The following RPF1 variants were observed in gnomAD, a reference collection of about 807,000 sequenced individuals.
RPF1 encodes the protein ribosome production factor 1 homolog, also known as ribosome production factor 1.
RPF1 carries 34 observed loss-of-function variants against 41.9 expected under a neutral mutation model. The observed-to-expected ratio is 0.81, with a 90% CI of 0.62 to 1.08. The LOEUF is 1.08. Ranked by LOEUF, RPF1 falls within the 50% of genes least tolerant of loss-of-function variation. RPF1 has a pLI of 0.00. For missense variants in RPF1, 425 were observed against 435.2 expected, an observed-to-expected ratio of 0.98 and a Z score of 0.21; for synonymous variants, 140 against 148.9, an observed-to-expected ratio of 0.94 and a Z score of 0.43.
chr1:84,496,581 A>T (rs1681939189), intron 8 of RPF1, among the ~76,000 whole-genome samples: 1 of 152,058 alleles, frequency 6.6e-6, no homozygotes, highest in South Asian at 2.1e-4. Context: ...AAAAAAAAAA[A>T]AAAGATACAA....
chr1:84,481,599 G>T (rs532816409), intron 2 of RPF1, among the ~76,000 whole-genome samples: 3 of 152,072 alleles, frequency 2.0e-5, no homozygotes, highest in South Asian at 2.1e-4. Context: ...GAGGATTATG[G>T]CAGAGAAAAG....
chr1:84,482,975 G>T lies in RPF1; in HGVS notation c.346G>T (p.Val116Leu). ...DNQRVYDETT[V>L]DPNDEEVAYD... ...CCAGCGAGTGTATGATGAAACCACA[G>T]TAGACCCTAATGATGAAGAGGTAAT... Residue 116 changes from valine (V) to leucine (L), a missense_variant, in exon 3 of 9, where the codon GTA becomes TTA. Physicochemically the swap from Val to Leu is conservative, Grantham distance 32. Coordinates refer to ENST00000370654, the MANE Select transcript of RPF1 (RefSeq NM_025065.7). 6.2e-7 allele frequency: 1 copy of T among 1,604,458 alleles called. No homozygotes were observed. The highest frequency in any genetic ancestry group is 8.5e-7 in the Non-Finnish European group (1 of 1,171,230).
chr1:84,486,587 CAAAAAAAA>C (rs896267195), intron 3 of RPF1, among the ~76,000 whole-genome samples: 3 of 64,534 alleles, frequency 4.6e-5, no homozygotes, highest in Admixed American at 1.8e-4. Flanking sequence ...GACTCCGTCT[CAAAAAAAA>C]AAAAAAAAAA....
rs1057469078 is a variant in RPF1, at chr1:84,497,584, T to C, written c.*114T>C. On this transcript the variant is annotated 3_prime_UTR_variant, in exon 9 of 9. Coordinates refer to ENST00000370654, the MANE Select transcript of RPF1 (RefSeq NM_025065.7). ...GGCATTTGCTGATTTCATAAACCTT[T>C]CACGTCTGGACGAATTACCAAATGC... The C allele has an allele frequency of 1.4e-5, 10 of 694,846 alleles. No homozygotes were observed. The highest frequency in any genetic ancestry group is 2.3e-5 in the Non-Finnish European group (10 of 429,068). 43.0% of individuals were successfully genotyped at this position (694,846 alleles called of 1,614,324 possible). A position where few individuals can be genotyped will look rare whatever the true frequency, so the allele number is the denominator to read the frequency against.
rs777882400 is a variant in RPF1, at chr1:84,479,280, C to A, written c.-2C>A. 1 of 1,595,022 alleles carries A rather than the reference C, an allele frequency of 6.3e-7. No individual in the cohort carries two copies. Among genetic ancestry groups the A allele is most frequent in the South Asian group, 1.1e-5 (1 of 88,924 alleles). ...CCGTACGGAAGCAAAGGAGCCAAGA[C>A]CATGGCGAAAGCCGGGGATAAGAGC... On this transcript the variant is annotated 5_prime_UTR_variant, in exon 1 of 9. Transcript: ENST00000370654.
chr1:84,488,783 GTTTTC>G (rs1337765781), intron 3 of RPF1, among the ~76,000 whole-genome samples: 1 of 151,986 alleles, frequency 6.6e-6, no homozygotes, highest in Admixed American at 6.6e-5. Flanking sequence ...GTTATTAGAT[GTTTTC>G]TTTGCAAATA....
intron 5 of RPF1, among the ~76,000 whole-genome samples, chr1:84,492,390 A>G (rs114705606): frequency 0.012 from 1,891 of 152,298 alleles, 36 homozygotes; most frequent in African/African-American, 0.042. Context: ...ACTTATTCTA[A>G]AATAGAATTT....
Position 84,496,143 on chromosome 1 carries a change from T to C in RPF1, c.881+80T>C, listed in dbSNP as rs1022542187. On this transcript the variant is annotated intron_variant, in intron 7 of 8. Coordinates refer to ENST00000370654, the MANE Select transcript of RPF1 (RefSeq NM_025065.7). ...CATGAACTAATTTTCCAACATATTG[T>C]AGCAAGTATCATACAAGATAAAATG... The C allele has an allele frequency of 8.8e-6, 13 of 1,472,456 alleles. No homozygotes were observed. The Admixed American group carries it at 9.8e-5, about 11-fold the overall frequency. 91.2% of individuals were successfully genotyped at this position (1,472,456 alleles called of 1,614,324 possible).
chr1:84,489,352 A>G (rs879650206), intron 3 of RPF1, among the ~76,000 whole-genome samples: 2 of 151,864 alleles, frequency 1.3e-5, no homozygotes, highest in African/African-American at 2.4e-5. Flanking sequence ...AACCAAGTTG[A>G]TGAGGGAAAT....
Position 84,489,676 on chromosome 1 carries a change from A to G in RPF1, c.410A>G (p.Asn137Ser), listed in dbSNP as rs751917597. The G allele has an allele frequency of 2.5e-6, 4 of 1,610,672 alleles. No individual in the cohort carries two copies. Among genetic ancestry groups the G allele is most frequent in the East Asian group, 2.2e-5 (1 of 44,820 alleles). ...ACAGATGAATTTGCTTCTTACTTCAACAAACAGACTTCTCCCAAGATTCTC... is the reference window on the plus strand; with the variant it reads ...ACAGATGAATTTGCTTCTTACTTCAGCAAACAGACTTCTCCCAAGATTCTC... ...EATDEFASYF[N>S]KQTSPKILIT... Residue 137 changes from asparagine (N) to serine (S), a missense_variant, in exon 4 of 9, where the codon AAC (asparagine) becomes AGC (serine). Asn to Ser is a conservative substitution (Grantham distance 46). Transcript: ENST00000370654.
intron 1 of RPF1, 119 bp downstream of exon 1, chr1:84,479,628 G>T: frequency 2.1e-6 from 2 of 964,344 alleles, no homozygotes; most frequent in Admixed American, 5.5e-5. Flanking sequence ...TGGCTCCGTG[G>T]GAAGGGTGGC....
intron 3 of RPF1, among the ~76,000 whole-genome samples, chr1:84,485,068 T>G (rs1056908331): frequency 1.3e-5 from 2 of 152,120 alleles, no homozygotes; most frequent in Non-Finnish European, 2.9e-5. Flanking sequence ...CAGCATTTAT[T>G]TATGTTTCAT....
intron 5 of RPF1, 23 bp downstream of exon 5, chr1:84,490,495 G>A (rs748826456): frequency 6.6e-7 from 1 of 1,518,880 alleles, no homozygotes; most frequent in South Asian, 1.3e-5. Context: ...TTTTTAAGGA[G>A]GTTTTCCTGT....
Position 84,497,002 on chromosome 1 carries a change from G to C in RPF1, c.1009-427G>C, listed in dbSNP as rs564358235. Among the ~76,000 whole-genome samples the C allele has an allele frequency of 3.9e-5, 6 of 151,958 alleles. No individual in the cohort carries two copies. In the East Asian group the frequency reaches 1.2e-3, roughly 29 times the overall value. On this transcript the variant is annotated intron_variant, in intron 8 of 8. Transcript: ENST00000370654. ...TTCTCCTGCCTCAGCCTCCCGAGTAGCTGGGATTACAAGTGTGCACCACCA... is the reference window on the plus strand; with the variant it reads ...TTCTCCTGCCTCAGCCTCCCGAGTACCTGGGATTACAAGTGTGCACCACCA...
At chr1:84,493,392 G>A (rs1681869088) in intron 5 of RPF1, among the ~76,000 whole-genome samples, 1 of 151,488 alleles carries the variant, frequency 6.6e-6, no homozygotes, top group Non-Finnish European at 1.5e-5. Context: ...GGCTAAGGCA[G>A]GTGGATCGCT....
intron 3 of RPF1, among the ~76,000 whole-genome samples, chr1:84,484,468 G>A (rs1217082858): frequency 6.7e-6 from 1 of 150,018 alleles, no homozygotes; most frequent in Middle Eastern, 3.2e-3. Flanking sequence ...ACATTCCATT[G>A]TAATTACTCT....
At chr1:84,484,740 C>T (rs944301926) in intron 3 of RPF1, among the ~76,000 whole-genome samples, 1 of 149,300 alleles carries the variant, frequency 6.7e-6, no homozygotes, top group Non-Finnish European at 1.5e-5. Flanking sequence ...GGCTGGAGTG[C>T]AGTGGCATGA....
intron 3 of RPF1, among the ~76,000 whole-genome samples, chr1:84,488,070 C>T (rs553777107): frequency 6.6e-6 from 1 of 152,126 alleles, no homozygotes; most frequent in East Asian, 1.9e-4. Context: ...TATTTAGCTT[C>T]ATAATAAGGC....
chr1:84,484,534 G>T (rs991497201), intron 3 of RPF1, among the ~76,000 whole-genome samples: 1 of 151,978 alleles, frequency 6.6e-6, no homozygotes, highest in Non-Finnish European at 1.5e-5. Context: ...GTGACATTGA[G>T]ATTTTTTGAA....
Sources: allele counts gnomAD v4.1 joint callset (sites outside exome capture counted in the v4.1 genomes callset), GRCh38; gene constraint gnomAD v4.1.1; transcripts MANE v1.5; gene names NCBI Gene and HGNC (gene_info 2026-07-23, HGNC 2026-07-21).